The following ATG16L2 variants were observed in gnomAD, a reference collection of about 807,000 sequenced individuals.
The protein encoded by ATG16L2 is autophagy related 16 like 2, also known as protein Atg16l2.
ATG16L2 carries 77 observed loss-of-function variants against 84.7 expected under a neutral mutation model. That is an observed-to-expected ratio of 0.91 (90% CI 0.76 to 1.10). The LOEUF is 1.10. Ranked by LOEUF, ATG16L2 falls within the 50% of genes least tolerant of loss-of-function variation. The pLI, the probability that ATG16L2 is intolerant of heterozygous loss-of-function variation, is 0.00. For missense variants in ATG16L2, 782 were observed against 817.6 expected (o/e 0.96, Z 0.53); for synonymous variants, 361 against 342.8 (o/e 1.05, Z -0.59).
chr11:72,834,944 A>G (rs916812813), intron 5 of ATG16L2, among the ~76,000 whole-genome samples: 1 of 152,234 alleles, frequency 6.6e-6, no homozygotes, highest in Admixed American at 6.5e-5. Flanking sequence ...TCTTCCATCA[A>G]GCAGTGGCAG....
intron 3 of ATG16L2, among the ~76,000 whole-genome samples, chr11:72,820,970 C>G (rs532826258): frequency 1.1e-4 from 16 of 152,326 alleles, no homozygotes; most frequent in Middle Eastern, 3.4e-3. Context: ...CTGATCTTAG[C>G]CTTGTGTGCC....
intron 7 of ATG16L2, chr11:72,823,169 C>T (rs139186024): frequency 5.6e-5 from 29 of 519,050 alleles, no homozygotes; most frequent in African/African-American, 5.4e-4. Context: ...CAACCCCTAC[C>T]CTCAACCCTT....
chr11:72,828,475 A>G lies in ATG16L2; in HGVS notation c.1589A>G (p.Asp530Gly), dbSNP rs773093966. ...CGAGACAACACACTCAAGGTCATCG[A>G]CCTGCGTGTCAGCAACATCCGCCAG... The part of the protein sequence containing the change: ...CSRDNTLKVI[D>G]LRVSNIRQVF... Residue 530 changes from aspartate (D) to glycine (G), a missense_variant, in exon 15 of 18, where the codon GAC (aspartate) becomes GGC (glycine). Asp to Gly is a moderately conservative substitution (Grantham distance 94). Coordinates refer to ENST00000321297, the MANE Select transcript of ATG16L2 (RefSeq NM_033388.2). The G allele has an allele frequency of 1.2e-6, 2 of 1,614,122 alleles. No individual in the cohort carries two copies. Among genetic ancestry groups the G allele is most frequent in the South Asian group, 2.2e-5 (2 of 91,084 alleles).
intron 7 of ATG16L2, chr11:72,823,777 G>C: frequency 1.8e-6 from 1 of 554,358 alleles, no homozygotes; most frequent in Non-Finnish European, 3.4e-6. Context: ...CCCCGGCTCA[G>C]CTTCCCAGGA....
intron 3 of ATG16L2, chr11:72,821,354 T>C: frequency 8.5e-7 from 1 of 1,179,026 alleles, no homozygotes; most frequent in South Asian, 2.2e-5. Context: ...AGCGGAGCGC[T>C]GGCTTCCCAC....
rs1220737341 is a variant in ATG16L2 at position 72,817,816 on chromosome 11, G to C, written c.279G>C (p.Trp93Cys). 1 of 1,613,208 alleles carries C rather than the reference G, an allele frequency of 6.2e-7. No homozygotes were observed. Among genetic ancestry groups the C allele is most frequent in the Admixed American group, 1.7e-5 (1 of 60,028 alleles). Reference protein sequence around the residue: ...VPSLVALRVKWQEEEEGLRLV... With the variant: ...VPSLVALRVKCQEEEEGLRLV... ...CACTGGTCGCACTGAGGGTGAAGTG[G>C]CAGGAGGAGGAGGAGGGGCTCCGGC... The change falls in exon 3 of 18, where the codon TGG becomes TGC. Residue 93 changes from tryptophan (W) to cysteine (C), a missense_variant. By Grantham distance (215) the Trp-to-Cys change is radical. Transcript: ENST00000321297.
chr11:72,826,894 T>G (rs530498746), intron 13 of ATG16L2, 71 bp downstream of exon 13: 1 of 1,548,866 alleles, frequency 6.5e-7, no homozygotes, highest in African/African-American at 1.4e-5. Flanking sequence ...ACAAGGGACC[T>G]CACCTGCTCT....
chr11:72,834,076 C>G (rs1024142219), downstream of ATG16L2, among the ~76,000 whole-genome samples: 15 of 151,826 alleles, frequency 9.9e-5, no homozygotes, highest in Admixed American at 2.0e-4. Context: ...CTTGGCAGAT[C>G]AAGCAGTAAC....
At chr11:72,834,129 C>T (rs71477745), downstream of ATG16L2, among the ~76,000 whole-genome samples, 984 of 152,076 alleles carry the variant, frequency 6.5e-3, 6 homozygotes, top group Non-Finnish European at 0.011. Context: ...TTAAAAGTTG[C>T]AGGATTTGGG....
chr11:72,819,416 A>G (rs1177186218), intron 3 of ATG16L2, among the ~76,000 whole-genome samples: 1 of 152,202 alleles, frequency 6.6e-6, no homozygotes, highest in Non-Finnish European at 1.5e-5. Context: ...TTAAAAAAAA[A>G]GAAAGATCTC....
intron 5 of ATG16L2, among the ~76,000 whole-genome samples, chr11:72,841,184 A>C (rs898072041): frequency 6.6e-6 from 1 of 151,774 alleles, no homozygotes; most frequent in African/African-American, 2.4e-5. Flanking sequence ...AAATACAAAA[A>C]TTAGCTGTGT....
downstream of ATG16L2, among the ~76,000 whole-genome samples, chr11:72,832,257 C>T (rs1469949245): frequency 1.3e-5 from 2 of 152,152 alleles, no homozygotes; most frequent in African/African-American, 4.8e-5. Flanking sequence ...TTCTCTCCCC[C>T]AAAACCTTCC....
At chr11:72,836,528 CG>C (rs1565277403) in intron 5 of ATG16L2, among the ~76,000 whole-genome samples, 1 of 152,082 alleles carries the variant, frequency 6.6e-6, no homozygotes. Context: ...AAGCAAAGAC[CG>C]TAACCTATTT....
chr11:72,830,348 G>A (rs1003636727), downstream of ATG16L2, among the ~76,000 whole-genome samples: 5 of 152,102 alleles, frequency 3.3e-5, no homozygotes, highest in East Asian at 1.9e-4. Context: ...CAAGTGACCC[G>A]TTCCTCCTGC....
chr11:72,823,931 G>T, intron 7 of ATG16L2, 129 bp from the exon 8 acceptor site: 1 of 1,041,236 alleles, frequency 9.6e-7, no homozygotes, highest in Non-Finnish European at 1.5e-6. Flanking sequence ...TCTTGGAGAA[G>T]TCAAGTTCTT....
In ATG16L2 at chr11:72,828,915, G is replaced by A. The variant is rs199851515; in HGVS notation, c.1703G>A (p.Cys568Tyr). The A allele has an allele frequency of 4.6e-5, 75 of 1,614,214 alleles. No individual in the cohort carries two copies. The African/African-American group carries it at 9.5e-4, about 20-fold the overall frequency. Residue 568 changes from cysteine to tyrosine, a missense_variant, in exon 17 of 18, where the codon TGT becomes TAT. Transcript: ENST00000321297. ...PDRSYALAGSCDGALYIWDVD... is the reference protein window; with the variant it reads ...PDRSYALAGSYDGALYIWDVD... ...AGAAGCTATGCACTGGCAGGCTCCTGTGATGGGGCCCTTTACATCTGGGAT... is the reference window on the plus strand; with the variant it reads ...AGAAGCTATGCACTGGCAGGCTCCTATGATGGGGCCCTTTACATCTGGGAT...
At chr11:72,821,292 T>C in intron 3 of ATG16L2, 1 of 1,027,570 alleles carries the variant, frequency 9.7e-7, no homozygotes, top group Non-Finnish European at 1.2e-6. Context: ...CGGATGGGCA[T>C]TTGGCAGCCT....
rs2135117575 is a variant in ATG16L2, at chr11:72,826,572, G to A, written c.1228G>A (p.Gly410Arg). The A allele has an allele frequency of 6.2e-7, 1 of 1,614,180 alleles. No homozygotes were observed. The highest frequency in any genetic ancestry group is 1.7e-5 in the Admixed American group (1 of 60,022). The part of the protein sequence containing the change: ...YNQAAQLWKV[G>R]EAQSKETLSG... ...CCAGGCTGCCCAGCTCTGGAAGGTG[G>A]GGGAGGCACAGTCCAAGGTGAGGCC... Residue 410 changes from glycine (G) to arginine (R), a missense_variant, in exon 12 of 18, where the codon GGG becomes AGG. Coordinates refer to ENST00000321297, the MANE Select transcript of ATG16L2 (RefSeq NM_033388.2).
rs116884791 is a variant in ATG16L2 at position 72,839,858 on chromosome 11, C to T, written c.*22-2759C>T. Among the ~76,000 whole-genome samples the T allele has an allele frequency of 8.5e-5, 13 of 152,226 alleles. No homozygotes were observed. The East Asian group carries it at 9.6e-4, about 11-fold the overall frequency. On this transcript the variant is annotated intron_variant, in intron 5 of 5. Transcript: ENST00000534905. ...AGCTGTGGAAGTAGATGAGGTCATT[C>T]GGCAAGAGTGCGTTCAACAACTTCA...
Sources: gnomAD v4.1 joint callset for allele counts (sites outside exome capture counted in the v4.1 genomes callset) on GRCh38, gnomAD v4.1.1 for gene constraint, MANE v1.5 for transcripts, NCBI Gene and HGNC (gene_info 2026-07-23, HGNC 2026-07-21) for gene names.